Variants in ULK4 observed in about 807,000 individuals in gnomAD.
ULK4 encodes inactive serine/threonine-protein kinase ULK4.
ULK4 carries 133 observed loss-of-function variants against 160.6 expected under a neutral mutation model. The observed-to-expected ratio is 0.83, with a 90% CI of 0.72 to 0.96. The LOEUF (loss-of-function observed/expected upper bound fraction) is 0.96, where lower values mean the gene tolerates loss of function less well. Ranked by LOEUF, ULK4 falls within the 40% of genes least tolerant of loss-of-function variation. The pLI is 0.00. For missense variants in ULK4, 1,580 were observed against 1,499.5 expected (o/e 1.05, Z -0.89); for synonymous variants, 534 against 539.8 (o/e 0.99, Z 0.15).
chr3:41,646,960 T>C (rs1348373447), intron 30 of ULK4, among the ~76,000 whole-genome samples: 1 of 152,232 alleles, frequency 6.6e-6, no homozygotes, highest in African/African-American at 2.4e-5. Flanking sequence ...CCATCACTGA[T>C]ACCCTTTCTT....
chr3:41,385,017 G>A (rs1378046077), intron 35 of ULK4, among the ~76,000 whole-genome samples: 1 of 151,974 alleles, frequency 6.6e-6, no homozygotes, highest in Non-Finnish European at 1.5e-5. Context: ...GGGCACCACT[G>A]CATTCCTGCC....
Position 41,900,940 on chromosome 3 carries a change from A to G in ULK4, c.1183-111T>C, listed in dbSNP as rs1698330910. 3 of 677,230 alleles carry G rather than the reference A, an allele frequency of 4.4e-6. No homozygotes were observed. The Admixed American group carries it at 7.6e-5, about 17-fold the overall frequency. The allele number at this position is 677,230 out of a possible 1,614,324, so 42.0% of individuals were successfully genotyped here. A position where few individuals can be genotyped will look rare whatever the true frequency, so the allele number is the denominator to read the frequency against. On this transcript the variant is annotated intron_variant, in intron 12 of 36. Coordinates refer to ENST00000301831, the MANE Select transcript of ULK4 (RefSeq NM_017886.4). ...ACCACTGTAAAATATCACCTATATC[A>G]ATGTACTTCAACTGCTATTCAAGAT... is the stretch of plus-strand genomic sequence containing the variant.
intron 1 of ULK4, among the ~76,000 whole-genome samples, chr3:41,958,055 A>C (rs990903735): frequency 6.6e-6 from 1 of 152,048 alleles, no homozygotes; most frequent in South Asian, 2.1e-4. Flanking sequence ...AAAAAAAAAA[A>C]AAAAAACCTT....
intron 2 of ULK4, among the ~76,000 whole-genome samples, chr3:41,947,808 T>A (rs539686348): frequency 1.1e-4 from 17 of 152,316 alleles, no homozygotes; most frequent in Admixed American, 9.2e-4. Flanking sequence ...CTATCTCACC[T>A]TTCTTACCAG....
rs1282957758 is a variant in ULK4, at chr3:41,370,572, C to A, written c.3678+27507G>T. Among the ~76,000 whole-genome samples the A allele has an allele frequency of 1.1e-4, 17 of 152,154 alleles. No individual in the cohort carries two copies. In the East Asian group the frequency reaches 3.3e-3, roughly 29 times the overall value. On this transcript the variant is annotated intron_variant, in intron 35 of 36. Coordinates refer to ENST00000301831, the MANE Select transcript of ULK4 (RefSeq NM_017886.4). ...GGGCAAGGGGTTGGGGAACTTCCTA[C>A]CCTAGCCAAGGGAAGCCATGAGGGA...
intron 35 of ULK4, among the ~76,000 whole-genome samples, chr3:41,252,609 G>GAA (rs35292590): frequency 3.1e-3 from 322 of 104,500 alleles, no homozygotes; most frequent in African/African-American, 0.012. Context: ...AGCAGAGATT[G>GAA]AAAAAAAAAA....
At chr3:41,703,862 ACACACACACAC>A (rs1559496382) in intron 27 of ULK4, among the ~76,000 whole-genome samples, 35 of 149,554 alleles carry the variant, frequency 2.3e-4, no homozygotes, top group Admixed American at 8.6e-4. Flanking sequence ...ACACACACAC[ACACACACACAC>A]ACAAGTTAAC....
At chr3:41,575,625 AG>A (rs2088162816) in intron 31 of ULK4, among the ~76,000 whole-genome samples, 2 of 152,374 alleles carry the variant, frequency 1.3e-5, no homozygotes, top group South Asian at 4.1e-4. Flanking sequence ...GATACAGTAG[AG>A]GCCCTCTAGC....
At chr3:41,841,592 T>G (rs1287448428) in intron 17 of ULK4, among the ~76,000 whole-genome samples, 1 of 145,732 alleles carries the variant, frequency 6.9e-6, no homozygotes, top group Non-Finnish European at 1.5e-5. Context: ...AAGTGAGGAG[T>G]GCCTCTGCCA....
intron 31 of ULK4, among the ~76,000 whole-genome samples, chr3:41,588,594 C>T (rs967150291): frequency 2.0e-5 from 3 of 152,184 alleles, no homozygotes; most frequent in Non-Finnish European, 4.4e-5. Flanking sequence ...ACAACCTCTG[C>T]ATCTACCAAA....
In ULK4 at chr3:41,566,144, T is replaced by C; in HGVS notation, c.3121-14A>G. Reference sequence around the variant, plus strand: ...CTCCTGATGTTCCTGCAATAGATCATAATTTCCATCATAACCATACAGAAA... The same window carrying C: ...CTCCTGATGTTCCTGCAATAGATCACAATTTCCATCATAACCATACAGAAA... On this transcript the variant is annotated splice_polypyrimidine_tract_variant and intron_variant, in intron 31 of 36. Transcript: ENST00000301831. 6.3e-7 allele frequency: 1 copy of C among 1,598,498 alleles called. No homozygotes were observed. Among genetic ancestry groups the C allele is most frequent in the Non-Finnish European group, 8.6e-7 (1 of 1,168,168 alleles).
At chr3:41,592,007 C>T (rs1379680019) in intron 31 of ULK4, among the ~76,000 whole-genome samples, 1 of 152,240 alleles carries the variant, frequency 6.6e-6, no homozygotes, top group Non-Finnish European at 1.5e-5. Context: ...TGGAGTCTTG[C>T]ATCCGGAACT....
Position 41,440,886 on chromosome 3 carries a change from A to G in ULK4, c.3492+14611T>C, listed in dbSNP as rs541096168. Among the ~76,000 whole-genome samples the G allele has an allele frequency of 2.0e-5, 3 of 152,108 alleles. No individual in the cohort carries two copies. In the South Asian group the frequency reaches 6.2e-4, roughly 32 times the overall value. On this transcript the variant is annotated intron_variant, in intron 34 of 36. Transcript: ENST00000301831. ...AGTTTAATAGTTTGTACCTTTCAAG[A>G]AAGTTTTCCATTTCATCTAAGTTCT...
chr3:41,279,559 A>G (rs1290730587), intron 35 of ULK4, among the ~76,000 whole-genome samples: 1 of 53,662 alleles, frequency 1.9e-5, no homozygotes, highest in African/African-American at 8.0e-5. Context: ...ACAGCTAGAG[A>G]GAAAGGTCGG....
intron 31 of ULK4, among the ~76,000 whole-genome samples, chr3:41,591,734 G>C (rs1169440097): frequency 1.3e-5 from 2 of 152,182 alleles, no homozygotes; most frequent in Non-Finnish European, 2.9e-5. Flanking sequence ...ATATGTATAA[G>C]TAAAACGTGT....
At chr3:41,412,598 T>C (rs2082431802) in intron 34 of ULK4, among the ~76,000 whole-genome samples, 1 of 138,298 alleles carries the variant, frequency 7.2e-6, no homozygotes, top group South Asian at 2.2e-4. Context: ...TCTCGCTCTG[T>C]TGCCCAGGCT....
chr3:41,908,691 G>A (rs1240467332), intron 11 of ULK4, among the ~76,000 whole-genome samples: 1 of 151,906 alleles, frequency 6.6e-6, no homozygotes, highest in African/African-American at 2.4e-5. Context: ...TGATCCACCC[G>A]CCTCAGCCAC....
At chr3:41,532,293 T>G (rs2086347076) in intron 32 of ULK4, among the ~76,000 whole-genome samples, 1 of 152,186 alleles carries the variant, frequency 6.6e-6, no homozygotes, top group South Asian at 2.1e-4. Context: ...CTGCATGGCT[T>G]GCTGCTTCAC....
chr3:41,392,578 T>G (rs1394996543), intron 35 of ULK4, among the ~76,000 whole-genome samples: 1 of 152,150 alleles, frequency 6.6e-6, no homozygotes, highest in Non-Finnish European at 1.5e-5. Flanking sequence ...AAACATATCT[T>G]GGGCTTGCCC....
Sources: allele counts gnomAD v4.1 joint callset (sites outside exome capture counted in the v4.1 genomes callset), GRCh38; gene constraint gnomAD v4.1.1; transcripts MANE v1.5; gene names NCBI Gene and HGNC (gene_info 2026-07-23, HGNC 2026-07-21).